ENTREP2: variants seen among roughly 807,000 people sequenced by gnomAD.
ENTREP2 encodes the protein endosomal transmembrane epsin interactor 2, also known as protein ENTREP2.
the ENTREP2 span, among the ~76,000 whole-genome samples, chr15:29,336,960 G>T: frequency 6.6e-6 from 1 of 152,172 alleles, no homozygotes; most frequent in East Asian, 1.9e-4. Flanking sequence ...GACCCCAGCA[G>T]CTGGGTGAGC....
chr15:29,518,783 CT>C, the ENTREP2 span, among the ~76,000 whole-genome samples: 1 of 152,196 alleles, frequency 6.6e-6, no homozygotes, highest in Non-Finnish European at 1.5e-5. Context: ...CAGGGGAAAG[CT>C]TCAGAAATTC....
the ENTREP2 span, among the ~76,000 whole-genome samples, chr15:29,511,097 G>A: frequency 6.6e-6 from 1 of 152,028 alleles, no homozygotes; most frequent in African/African-American, 2.4e-5. Context: ...TGTAGATGAC[G>A]GGTTGATGGG....
At chr15:29,127,991 G>A in the ENTREP2 span, among the ~76,000 whole-genome samples, 11 of 152,330 alleles carry the variant, frequency 7.2e-5, no homozygotes, top group Middle Eastern at 6.8e-3. Flanking sequence ...AAGATGCTGC[G>A]CTCTACAACC....
the ENTREP2 span, among the ~76,000 whole-genome samples, chr15:29,290,016 G>C: frequency 5.3e-5 from 8 of 152,262 alleles, no homozygotes; most frequent in African/African-American, 1.9e-4. Flanking sequence ...ACGGCTAAAT[G>C]CGGCAACATG....
chr15:29,135,772 G>A, the ENTREP2 span, among the ~76,000 whole-genome samples: 1 of 152,208 alleles, frequency 6.6e-6, no homozygotes, highest in African/African-American at 2.4e-5. This position sits in a 1 kb window ranked among gnomAD's most constrained non-coding sequence, Gnocchi z 7.4. Context: ...AGGCTGAAAG[G>A]ACCTGGCAAC....
At chr15:29,480,785 A>G in the ENTREP2 span, among the ~76,000 whole-genome samples, 1 of 152,082 alleles carries the variant, frequency 6.6e-6, no homozygotes, top group African/African-American at 2.4e-5. Flanking sequence ...TGACTTTCCG[A>G]AGGTGTGAGT....
the ENTREP2 span, among the ~76,000 whole-genome samples, chr15:29,293,442 G>T: frequency 2.7e-5 from 4 of 149,530 alleles, no homozygotes; most frequent in East Asian, 7.8e-4. Flanking sequence ...TTTTTTAGTA[G>T]AGACAGGGTT....
the ENTREP2 span, among the ~76,000 whole-genome samples, chr15:29,485,774 C>T: frequency 6.6e-6 from 1 of 152,200 alleles, no homozygotes; most frequent in Admixed American, 6.5e-5. Flanking sequence ...ACATCCATCA[C>T]CAATCATCAG....
At chr15:29,339,252 A>G in the ENTREP2 span, among the ~76,000 whole-genome samples, 2 of 152,266 alleles carry the variant, frequency 1.3e-5, no homozygotes, top group Admixed American at 6.5e-5. Flanking sequence ...GTGACAGTCA[A>G]GACCCATGGG....
At chr15:29,358,986 C>T in the ENTREP2 span, among the ~76,000 whole-genome samples, 1 of 152,154 alleles carries the variant, frequency 6.6e-6, no homozygotes, top group Admixed American at 6.5e-5. Context: ...AAGCCCAGTG[C>T]TCTAATTTAA....
chr15:29,578,094 A>G, the ENTREP2 span, among the ~76,000 whole-genome samples: 1 of 152,230 alleles, frequency 6.6e-6, no homozygotes, highest in African/African-American at 2.4e-5. Context: ...TATATTATGT[A>G]TATTTTACCA....
chr15:29,130,585 T>C, the ENTREP2 span, among the ~76,000 whole-genome samples: 1 of 152,136 alleles, frequency 6.6e-6, no homozygotes, highest in Non-Finnish European at 1.5e-5. Context: ...AAAGAAAATA[T>C]ACAGTGGGAC....
At chr15:29,158,717 G>T in the ENTREP2 span, among the ~76,000 whole-genome samples, 4 of 152,096 alleles carry the variant, frequency 2.6e-5, no homozygotes, top group Non-Finnish European at 5.9e-5. Flanking sequence ...TCAAAACGGC[G>T]AATATGAGAG....
At chr15:29,118,696 CATGCGT>C in the ENTREP2 span, among the ~76,000 whole-genome samples, 3 of 151,470 alleles carry the variant, frequency 2.0e-5, no homozygotes, top group African/African-American at 7.4e-5. Flanking sequence ...GAAAGGTGTG[CATGCGT>C]GTGCGTGTGT....
the ENTREP2 span, among the ~76,000 whole-genome samples, chr15:29,414,811 G>T: frequency 5.7e-4 from 87 of 152,148 alleles, no homozygotes; most frequent in Non-Finnish European, 8.8e-4. Context: ...AAATGATAAA[G>T]GGGATATCAC....
chr15:29,321,523 C>G, the ENTREP2 span, among the ~76,000 whole-genome samples: 1 of 151,770 alleles, frequency 6.6e-6, no homozygotes, highest in Non-Finnish European at 1.5e-5. Flanking sequence ...GTGGCGGGCA[C>G]CTATAATCCC....
At chr15:29,210,490 T>G in the ENTREP2 span, among the ~76,000 whole-genome samples, 2 of 152,214 alleles carry the variant, frequency 1.3e-5, no homozygotes, top group African/African-American at 4.8e-5. Context: ...TGTCAGATCA[T>G]CAGCAGCATT....
chr15:29,455,921 C>G, the ENTREP2 span, among the ~76,000 whole-genome samples: 209 of 152,336 alleles, frequency 1.4e-3, no homozygotes, highest in Non-Finnish European at 1.8e-4. Context: ...TGATCCGTCA[C>G]TATCTCCCAT....
At chr15:29,528,833 CTCCA>C in the ENTREP2 span, among the ~76,000 whole-genome samples, 1 of 152,140 alleles carries the variant, frequency 6.6e-6, no homozygotes, top group African/African-American at 2.4e-5. Flanking sequence ...ACTGTCTAAA[CTCCA>C]TCCATCGCAG....
Sources: allele counts gnomAD v4.1 joint callset (sites outside exome capture counted in the v4.1 genomes callset), GRCh38; gene constraint gnomAD v4.1.1; non-coding constraint Gnocchi (gnomAD v3.1); transcripts MANE v1.5; gene names NCBI Gene and HGNC (gene_info 2026-07-23, HGNC 2026-07-21).